The following CTNNA3 variants were observed in gnomAD, a reference collection of about 807,000 sequenced individuals.
CTNNA3 encodes the protein catenin alpha-3.
A neutral mutation model predicts 95.7 loss-of-function variants in CTNNA3; 76 were observed. The observed-to-expected ratio is 0.79, with a 90% CI of 0.66 to 0.96. The LOEUF (loss-of-function observed/expected upper bound fraction) is 0.96, where lower values mean the gene tolerates loss of function less well. CTNNA3 is among the 40% of genes least tolerant of loss of function. The pLI, the probability that CTNNA3 is intolerant of heterozygous loss-of-function variation, is 0.00. For missense variants in CTNNA3, 1,191 were observed against 1,089.8 expected (o/e 1.09, Z -1.31); for synonymous variants, 431 against 374.4 (o/e 1.15, Z -1.74).
intron 13 of CTNNA3, among the ~76,000 whole-genome samples, chr10:66,269,217 T>C (rs1292624074): frequency 2.0e-5 from 3 of 152,176 alleles, no homozygotes; most frequent in Admixed American, 1.3e-4. Flanking sequence ...ATGACTTACA[T>C]AGGGTTACAA....
At chr10:65,947,989 T>G (rs758532354) in intron 17 of CTNNA3, among the ~76,000 whole-genome samples, 13 of 152,178 alleles carry the variant, frequency 8.5e-5, no homozygotes, top group Non-Finnish European at 1.6e-4. Flanking sequence ...AGAAATACCA[T>G]GTGCGCGGCC....
intron 5 of CTNNA3, among the ~76,000 whole-genome samples, chr10:67,300,000 G>A (rs997850890): frequency 1.3e-5 from 2 of 152,106 alleles, no homozygotes; most frequent in Non-Finnish European, 2.9e-5. Context: ...AATGGTTCTC[G>A]AAGTGTCATG....
intron 1 of CTNNA3, among the ~76,000 whole-genome samples, chr10:67,686,826 T>C (rs1375873385): frequency 6.6e-6 from 1 of 152,140 alleles, no homozygotes; most frequent in Non-Finnish European, 1.5e-5. Context: ...AGTTTTGTCC[T>C]GTGGGAAGGC....
chr10:66,233,614 A>G (rs2132017603), intron 13 of CTNNA3, among the ~76,000 whole-genome samples: 1 of 152,334 alleles, frequency 6.6e-6, no homozygotes, highest in East Asian at 1.9e-4. Context: ...GTGCTCCAGC[A>G]CTGCATATAG....
chr10:66,273,411 G>A (rs2091324059), intron 13 of CTNNA3, among the ~76,000 whole-genome samples: 1 of 152,070 alleles, frequency 6.6e-6, no homozygotes, highest in African/African-American at 2.4e-5. Context: ...TTTAACTCTG[G>A]AATTTCTTAT....
At chr10:66,435,706 C>A (rs2093332105) in intron 11 of CTNNA3, among the ~76,000 whole-genome samples, 1 of 152,072 alleles carries the variant, frequency 6.6e-6, no homozygotes, top group African/African-American at 2.4e-5. Flanking sequence ...TTAGTTATTT[C>A]TTGTCTCCTG....
At chr10:67,088,992 A>C (rs1054816863) in intron 7 of CTNNA3, among the ~76,000 whole-genome samples, 1 of 152,062 alleles carries the variant, frequency 6.6e-6, no homozygotes, top group African/African-American at 2.4e-5. Context: ...ACTTAGATAG[A>C]ATATACATTG....
intron 2 of CTNNA3, among the ~76,000 whole-genome samples, chr10:67,613,153 G>C (rs1329766419): frequency 6.6e-6 from 1 of 152,114 alleles, no homozygotes. Context: ...GCTCAGAACA[G>C]GAAATGTTCA....
intron 5 of CTNNA3, among the ~76,000 whole-genome samples, chr10:67,370,723 G>A (rs1031356396): frequency 6.6e-6 from 1 of 152,070 alleles, no homozygotes; most frequent in Non-Finnish European, 1.5e-5. Context: ...CATATTTTCT[G>A]TGGATAAGGA....
At chr10:66,679,138 T>A (rs1204105579) in intron 9 of CTNNA3, among the ~76,000 whole-genome samples, 2 of 152,164 alleles carry the variant, frequency 1.3e-5, no homozygotes, top group Non-Finnish European at 2.9e-5. Flanking sequence ...GCCAAGGTGT[T>A]CATCTAATAA....
chr10:66,354,250 C>T (rs1004447326), intron 12 of CTNNA3, among the ~76,000 whole-genome samples: 7 of 151,358 alleles, frequency 4.6e-5, no homozygotes, highest in African/African-American at 1.7e-4. Flanking sequence ...GCACCATTGC[C>T]CTCCAGCCTG....
intron 11 of CTNNA3, among the ~76,000 whole-genome samples, chr10:66,489,729 A>G (rs1384252887): frequency 6.6e-6 from 1 of 152,186 alleles, no homozygotes. Flanking sequence ...TGCTGTGCTG[A>G]GATTCAACTA....
intron 7 of CTNNA3, among the ~76,000 whole-genome samples, chr10:66,849,048 C>T (rs1843382526): frequency 6.6e-6 from 1 of 152,192 alleles, no homozygotes; most frequent in Non-Finnish European, 1.5e-5. Context: ...AAACTAATTT[C>T]ATCTTTAAGG....
At chr10:66,034,376 T>C (rs1323255364) in intron 15 of CTNNA3, among the ~76,000 whole-genome samples, 1 of 152,148 alleles carries the variant, frequency 6.6e-6, no homozygotes, top group African/African-American at 2.4e-5. Context: ...TTCATTCTAC[T>C]AGAGAATTCT....
chr10:66,984,178 CAA>C (rs1388128724), intron 7 of CTNNA3, among the ~76,000 whole-genome samples: 2 of 152,038 alleles, frequency 1.3e-5, no homozygotes, highest in Non-Finnish European at 2.9e-5. Flanking sequence ...TAAGTCAAGA[CAA>C]TGTATTTACC....
At chr10:66,561,728 G>A (rs997601450) in intron 10 of CTNNA3, among the ~76,000 whole-genome samples, 1 of 151,934 alleles carries the variant, frequency 6.6e-6, no homozygotes, top group Non-Finnish European at 1.5e-5. Context: ...AATGCTGCAG[G>A]GCTTTAAAAA....
At chr10:66,677,307 T>C (rs1027602422) in intron 9 of CTNNA3, among the ~76,000 whole-genome samples, 4 of 152,164 alleles carry the variant, frequency 2.6e-5, no homozygotes, top group African/African-American at 9.7e-5. Context: ...AGTGAAGAAT[T>C]AGCACTTTGT....
chr10:67,515,836 T>C (rs375695046), intron 5 of CTNNA3, among the ~76,000 whole-genome samples: 2 of 152,230 alleles, frequency 1.3e-5, no homozygotes, highest in Non-Finnish European at 2.9e-5. Flanking sequence ...TCCATGGCTA[T>C]AGAACTATTG....
intron 7 of CTNNA3, among the ~76,000 whole-genome samples, chr10:66,992,474 T>C (rs1023608191): frequency 1.3e-5 from 2 of 152,072 alleles, no homozygotes; most frequent in African/African-American, 4.8e-5. Context: ...AATAAAAAAT[T>C]CTTTGTCAGT....
Sources: allele counts gnomAD v4.1 joint callset (sites outside exome capture counted in the v4.1 genomes callset), GRCh38; gene constraint gnomAD v4.1.1; transcripts MANE v1.5; gene names NCBI Gene and HGNC (gene_info 2026-07-23, HGNC 2026-07-21).